ENPP4: variants seen among roughly 807,000 people sequenced by gnomAD.
ENPP4 encodes the protein ectonucleotide pyrophosphatase/phosphodiesterase 4, also known as bis(5'-adenosyl)-triphosphatase ENPP4.
Under a neutral mutation model 33.4 loss-of-function variants are expected in ENPP4, and 18 were observed. The ratio of observed to expected loss-of-function variants is 0.54; its 90% CI spans 0.37 to 0.80. The LOEUF is 0.80. Ranked by LOEUF, ENPP4 falls within the 30% of genes least tolerant of loss-of-function variation. ENPP4 has a pLI of 0.00. For synonymous variants in ENPP4, 172 were observed against 189.9 expected (o/e 0.91, Z 0.78); for missense variants, 480 against 541.7 (o/e 0.89, Z 1.13).
At chr6:46,133,232 A>C (rs1330320588) in intron 1 of ENPP4, among the ~76,000 whole-genome samples, 4 of 152,178 alleles carry the variant, frequency 2.6e-5, no homozygotes, top group Non-Finnish European at 5.9e-5. Context: ...GTATGCTAGA[A>C]ATTTCTGTGT....
In ENPP4 at chr6:46,142,019, A is replaced by G. The variant is rs1310183210; in HGVS notation, c.997+797A>G. Among the ~76,000 whole-genome samples, 10 of 151,698 alleles carry G rather than the reference A, an allele frequency of 6.6e-5. No individual in the cohort carries two copies. In the East Asian group the frequency reaches 1.9e-3, roughly 29 times the overall value. On this transcript the variant is annotated intron_variant, in intron 3 of 3. Coordinates refer to ENST00000321037, the MANE Select transcript of ENPP4 (RefSeq NM_014936.5). ...TGCTTCGGTGAAACTCTGTTTACAA[A>G]AAGGATGGAGGGCTAACCTTCGCTA...
chr6:46,142,412 T>TAC (rs1764079626), intron 3 of ENPP4, among the ~76,000 whole-genome samples: 1 of 19,678 alleles, frequency 5.1e-5, no homozygotes, highest in Admixed American at 4.3e-4. Flanking sequence ...TACATATAAT[T>TAC]ATAATATATA....
At chr6:46,142,755 T>C (rs555969304) in intron 3 of ENPP4, among the ~76,000 whole-genome samples, 19 of 151,834 alleles carry the variant, frequency 1.3e-4, no homozygotes, top group African/African-American at 4.3e-4. Context: ...TATCATATGC[T>C]TTTCTTTAAG....
rs937060368 is a variant in ENPP4 at position 46,134,381 on chromosome 6, G to A, written c.-34+4192G>A. On this transcript the variant is annotated intron_variant, in intron 1 of 3. Transcript: ENST00000321037. ...TTATCCTGAGAACAAGGACTGGGACGCTTGGATCCCAGCAGTGTGCTGAGG... is the reference window on the plus strand; with the variant it reads ...TTATCCTGAGAACAAGGACTGGGACACTTGGATCCCAGCAGTGTGCTGAGG... Among the ~76,000 whole-genome samples, 37 of 152,042 alleles carry A rather than the reference G, an allele frequency of 2.4e-4. 1 individual carries two copies. Among genetic ancestry groups the A allele is most frequent in the Admixed American group, 2.1e-3 (32 of 15,254 alleles).
intron 1 of ENPP4, among the ~76,000 whole-genome samples, chr6:46,134,525 C>T (rs1354626403): frequency 1.3e-5 from 2 of 152,042 alleles, no homozygotes. Flanking sequence ...GGTTTTTGGT[C>T]TGTTTTGCAC....
intron 2 of ENPP4, among the ~76,000 whole-genome samples, chr6:46,140,740 T>C (rs1197463765): frequency 6.6e-6 from 1 of 151,720 alleles, no homozygotes; most frequent in Non-Finnish European, 1.5e-5. Context: ...CTACTGATCA[T>C]AGAAGTAGTA....
At position 46,140,119 on chromosome 6, in the gene ENPP4, C is replaced by G; in HGVS notation, c.536C>G (p.Thr179Ser). ...CTAAACAATTCGAACCCACCAGTCACCTTTGCAACACTATATTGGGAAGAA... is the reference window on the plus strand; with the variant it reads ...CTAAACAATTCGAACCCACCAGTCAGCTTTGCAACACTATATTGGGAAGAA... The part of the protein sequence containing the change: ...MWLNNSNPPV[T>S]FATLYWEEPD... The change falls in exon 2 of 4, where the codon ACC (threonine) becomes AGC (serine). Residue 179 changes from threonine (T) to serine (S), a missense_variant. Physicochemically the swap from Thr to Ser is moderately conservative, Grantham distance 58 (BLOSUM62 1). Around this residue, in one of 3 missense-constraint regions of ENPP4, gnomAD observed 227 missense variants for 273.7 expected, o/e 0.83. Coordinates refer to ENST00000321037, the MANE Select transcript of ENPP4 (RefSeq NM_014936.5). 3 of 1,612,472 alleles carry G rather than the reference C, an allele frequency of 1.9e-6. No homozygotes were observed. The highest frequency in any genetic ancestry group is 2.5e-6 in the Non-Finnish European group (3 of 1,178,992).
Position 46,144,007 on chromosome 6 carries a change from A to G in ENPP4, c.*367A>G, listed in dbSNP as rs1314441141. On this transcript the variant is annotated 3_prime_UTR_variant, in exon 4 of 4. Transcript: ENST00000321037. ...GAAAATATACCAAAATTTAGTAGGC[A>G]TGTTTTTCTAATAAATTTATATATT... 1 of 159,342 alleles carries G rather than the reference A, an allele frequency of 6.3e-6. No individual in the cohort carries two copies. Among genetic ancestry groups the G allele is most frequent in the African/African-American group, 2.4e-5 (1 of 41,544 alleles). The allele number at this position is 159,342 out of a possible 1,614,324, so 9.9% of individuals were successfully genotyped here.
At chr6:46,136,318 T>C (rs1372516900) in intron 1 of ENPP4, among the ~76,000 whole-genome samples, 3 of 152,068 alleles carry the variant, frequency 2.0e-5, no homozygotes, top group East Asian at 3.8e-4. Context: ...TTTTGTGTTA[T>C]GGAATTAGTG....
At position 46,146,426 on chromosome 6, in the gene ENPP4, TTTAC is replaced by T. The variant is rs1464206396; in HGVS notation, c.*2789_*2792del. 1 of 152,274 alleles carries T rather than the reference TTTAC, an allele frequency of 6.6e-6. No homozygotes were observed. The highest frequency in any genetic ancestry group is 1.9e-4 in the East Asian group (1 of 5,192). The allele number at this position is 152,274 out of a possible 1,614,324, so 9.4% of individuals were successfully genotyped here. A position where few individuals can be genotyped will look rare whatever the true frequency, so the allele number is the denominator to read the frequency against. Reference sequence around the variant, plus strand: ...ATTTAATTCCTTTTATTTGGAGGGTTTTACTTCCTTGTTAACATATAAAGTTATA... The same window carrying T: ...ATTTAATTCCTTTTATTTGGAGGGTTTTCCTTGTTAACATATAAAGTTATA... On this transcript the variant is annotated 3_prime_UTR_variant, in exon 4 of 4. Coordinates refer to ENST00000321037, the MANE Select transcript of ENPP4 (RefSeq NM_014936.5).
chr6:46,130,800 G>A (rs969621784), intron 1 of ENPP4, among the ~76,000 whole-genome samples: 1 of 152,118 alleles, frequency 6.6e-6, no homozygotes, highest in Non-Finnish European at 1.5e-5. Context: ...TACAGATGAC[G>A]AAAGTCAGGC....
chr6:46,140,386 T>C lies in ENPP4; in HGVS notation c.803T>C (p.Val268Ala). Residue 268 changes from valine (V) to alanine (A), a missense_variant, in exon 2 of 4, where the codon GTT (valine) becomes GCT (alanine). Transcript: ENST00000321037. ...SYYTLIDLSP[V>A]AAILPKINRT... The stretch of plus-strand genomic sequence containing the variant: ...TACACTCTTATAGATTTGAGCCCAG[T>C]TGCTGCAATACTTCCCAAAATAAGT... 1.3e-6 allele frequency: 2 copies of C among 1,583,260 alleles called. No homozygotes were observed. The highest frequency in any genetic ancestry group is 1.7e-6 in the Non-Finnish European group (2 of 1,168,086).
Position 46,139,849 on chromosome 6 carries a change from T to C in ENPP4, c.266T>C (p.Val89Ala). ...TGLYEESHGI[V>A]ANSMYDAVTK... ...TTGTATGAAGAAAGCCATGGCATTGTGGCTAATTCCATGTATGATGCAGTC... is the reference window on the plus strand; with the variant it reads ...TTGTATGAAGAAAGCCATGGCATTGCGGCTAATTCCATGTATGATGCAGTC... Residue 89 changes from valine (V) to alanine (A), a missense_variant, in exon 2 of 4, where the codon GTG becomes GCG. Around this residue, in one of 3 missense-constraint regions of ENPP4, gnomAD observed 227 missense variants for 273.7 expected, o/e 0.83. Coordinates refer to ENST00000321037, the MANE Select transcript of ENPP4 (RefSeq NM_014936.5). 6.2e-7 allele frequency: 1 copy of C among 1,612,650 alleles called. No individual in the cohort carries two copies. The highest frequency in any genetic ancestry group is 2.2e-5 in the East Asian group (1 of 44,870).
chr6:46,142,131 A>T (rs1431634137), intron 3 of ENPP4, among the ~76,000 whole-genome samples: 1 of 151,394 alleles, frequency 6.6e-6, no homozygotes, highest in African/African-American at 2.4e-5. Flanking sequence ...TGAAGTTTGT[A>T]TATTATTTAC....
chr6:46,132,695 G>A (rs1051500396), intron 1 of ENPP4, among the ~76,000 whole-genome samples: 1 of 152,180 alleles, frequency 6.6e-6, no homozygotes, highest in East Asian at 1.9e-4. Flanking sequence ...TGTGAAGAAA[G>A]TCATTGGTAG....
intron 1 of ENPP4, among the ~76,000 whole-genome samples, chr6:46,134,561 A>T (rs1233672127): frequency 1.3e-5 from 2 of 152,164 alleles, no homozygotes; most frequent in East Asian, 3.8e-4. Context: ...AAACTTTCAC[A>T]TTAAAACACT....
At chr6:46,131,978 G>A (rs1438030100) in intron 1 of ENPP4, among the ~76,000 whole-genome samples, 10 of 151,896 alleles carry the variant, frequency 6.6e-5, no homozygotes, top group Non-Finnish European at 1.2e-4. Flanking sequence ...GTCTGTTCAT[G>A]TCCTTCGCCC....
At chr6:46,133,905 A>G (rs1347734688) in intron 1 of ENPP4, among the ~76,000 whole-genome samples, 1 of 152,168 alleles carries the variant, frequency 6.6e-6, no homozygotes, top group African/African-American at 2.4e-5. Context: ...TTTGGAGATT[A>G]TTATCAGACT....
At chr6:46,138,095 A>G (rs951957202) in intron 1 of ENPP4, among the ~76,000 whole-genome samples, 1 of 151,820 alleles carries the variant, frequency 6.6e-6, no homozygotes, top group African/African-American at 2.4e-5. Context: ...GAAATAATGC[A>G]TTCACTTGTT....
Sources: allele counts gnomAD v4.1 joint callset (sites outside exome capture counted in the v4.1 genomes callset), GRCh38; gene constraint gnomAD v4.1.1; regional missense constraint gnomAD v4.1.1; transcripts MANE v1.5; gene names NCBI Gene and HGNC (gene_info 2026-07-23, HGNC 2026-07-21).